SUSD6: variants seen among roughly 807,000 people sequenced by gnomAD.
SUSD6 encodes the protein sushi domain containing 6.
Under a neutral mutation model 28.4 loss-of-function variants are expected in SUSD6, and 16 were observed. The ratio of observed to expected loss-of-function variants is 0.56; its 90% CI spans 0.38 to 0.86. SUSD6 has a LOEUF of 0.86. Ranked by LOEUF, SUSD6 falls within the 40% of genes least tolerant of loss-of-function variation. SUSD6 has a pLI of 0.00. For missense variants in SUSD6, 341 were observed against 384.2 expected (o/e 0.89, Z 0.94); for synonymous variants, 147 against 159.6 (o/e 0.92, Z 0.59).
rs563368269 is a variant in SUSD6, at chr14:69,713,081, T to C, written c.*2102T>C. On this transcript the variant is annotated 3_prime_UTR_variant, in exon 6 of 6. Coordinates refer to ENST00000342745, the MANE Select transcript of SUSD6 (RefSeq NM_014734.4). ...CCTTCAGCTTTTATTTTTCACTGTT[T>C]CAAAACCCGCATTCTATTCTAGAAT... 1 of 152,346 alleles carries C rather than the reference T, an allele frequency of 6.6e-6. No individual in the cohort carries two copies. The highest frequency in any genetic ancestry group is 1.9e-4 in the East Asian group (1 of 5,184). The allele number at this position is 152,346 out of a possible 1,614,324, so 9.4% of individuals were successfully genotyped here. A position where few individuals can be genotyped will look rare whatever the true frequency, so the allele number is the denominator to read the frequency against.
chr14:69,678,536 C>T (rs760332027), intron 2 of SUSD6, among the ~76,000 whole-genome samples: 1 of 152,102 alleles, frequency 6.6e-6, no homozygotes, highest in Non-Finnish European at 1.5e-5. Context: ...GGCATGATGG[C>T]TCACACCTGT....
intron 1 of SUSD6, among the ~76,000 whole-genome samples, chr14:69,645,901 C>T (rs1160527906): frequency 6.6e-6 from 1 of 152,068 alleles, no homozygotes; most frequent in East Asian, 1.9e-4. Flanking sequence ...AGGTGTGCAC[C>T]ACCACGCCTG....
chr14:69,645,434 A>G (rs1172711618), intron 1 of SUSD6, among the ~76,000 whole-genome samples: 7 of 151,960 alleles, frequency 4.6e-5, no homozygotes, highest in African/African-American at 1.2e-4. Flanking sequence ...AGGGGAGGGG[A>G]TGATGGGGTA....
Position 69,706,211 on chromosome 14 carries a change from G to C in SUSD6, c.458+1469G>C, listed in dbSNP as rs1886384851. Among the ~76,000 whole-genome samples, 3 of 152,278 alleles carry C rather than the reference G, an allele frequency of 2.0e-5. No individual in the cohort carries two copies. The South Asian group carries it at 6.2e-4, about 32-fold the overall frequency. On this transcript the variant is annotated intron_variant, in intron 4 of 5. Coordinates refer to ENST00000342745, the MANE Select transcript of SUSD6 (RefSeq NM_014734.4). Reference sequence around the variant, plus strand: ...GGGGATTGTTTACTTGAAATGATCAGCTATTTCCACCTAAAGTCAAACTGA... The same window carrying C: ...GGGGATTGTTTACTTGAAATGATCACCTATTTCCACCTAAAGTCAAACTGA...
At chr14:69,672,289 G>A (rs1885844963) in intron 2 of SUSD6, among the ~76,000 whole-genome samples, 1 of 152,192 alleles carries the variant, frequency 6.6e-6, no homozygotes, top group African/African-American at 2.4e-5. Context: ...AAGAAGGTGA[G>A]AAGAGAGAGG....
rs576842535 is a variant in SUSD6 at position 69,708,999 on chromosome 14, G to T, written c.781G>T (p.Val261Leu). The change falls in exon 5 of 6, where the codon GTG becomes TTG. Residue 261 changes from valine to leucine, a missense_variant. Coordinates refer to ENST00000342745, the MANE Select transcript of SUSD6 (RefSeq NM_014734.4). The part of the protein sequence containing the change: ...MVHQATTSSW[V>L]AGSGNRQLAH... ...GCATCAGGCAACCACCTCTTCCTGGGTGGCCGGCTCAGGGAACCGCCAACT... is the reference window on the plus strand; with the variant it reads ...GCATCAGGCAACCACCTCTTCCTGGTTGGCCGGCTCAGGGAACCGCCAACT... 6.2e-6 allele frequency: 10 copies of T among 1,614,144 alleles called. No individual in the cohort carries two copies. The East Asian group carries it at 6.7e-5, about 11-fold the overall frequency.
At chr14:69,637,494 T>C in intron 1 of SUSD6, among the ~76,000 whole-genome samples, 2 of 152,320 alleles carry the variant, frequency 1.3e-5, no homozygotes, top group Admixed American at 1.3e-4. Flanking sequence ...CTCTGGGAAC[T>C]GTTCTCTGAC....
intron 1 of SUSD6, among the ~76,000 whole-genome samples, chr14:69,615,908 G>A (rs1283296269): frequency 1.3e-5 from 2 of 152,208 alleles, no homozygotes; most frequent in Non-Finnish European, 2.9e-5. Context: ...TTCTCAAACA[G>A]AAACAGATGT....
chr14:69,616,647 G>GT (rs902637895), intron 1 of SUSD6, among the ~76,000 whole-genome samples: 1 of 152,124 alleles, frequency 6.6e-6, no homozygotes, highest in African/African-American at 2.4e-5. Flanking sequence ...ACTGAGAGAT[G>GT]TTTTTTGGTG....
intron 1 of SUSD6, among the ~76,000 whole-genome samples, chr14:69,638,566 T>C (rs1338525498): frequency 6.6e-6 from 1 of 152,018 alleles, no homozygotes; most frequent in Non-Finnish European, 1.5e-5. Flanking sequence ...CAGCATACCC[T>C]AACCAGGACT....
intron 2 of SUSD6, among the ~76,000 whole-genome samples, chr14:69,699,552 T>A (rs1164288294): frequency 6.6e-6 from 1 of 152,124 alleles, no homozygotes; most frequent in East Asian, 1.9e-4. Flanking sequence ...TTTTTTTTTT[T>A]TGGACCCTTT....
chr14:69,636,716 C>T (rs761405646), intron 1 of SUSD6, among the ~76,000 whole-genome samples: 2 of 152,216 alleles, frequency 1.3e-5, no homozygotes, highest in Non-Finnish European at 2.9e-5. Flanking sequence ...TGCTGCTGGA[C>T]CTCCAGTCTG....
chr14:69,618,348 G>A (rs1212781386), intron 1 of SUSD6, among the ~76,000 whole-genome samples: 2 of 152,170 alleles, frequency 1.3e-5, no homozygotes, highest in African/African-American at 2.4e-5. Flanking sequence ...ACAAATATTC[G>A]AAAATCTAAA....
chr14:69,689,885 C>T (rs576535883), intron 2 of SUSD6, among the ~76,000 whole-genome samples: 10 of 152,304 alleles, frequency 6.6e-5, no homozygotes, highest in African/African-American at 2.2e-4. Context: ...AGGCTGATCT[C>T]GATCTCCTGG....
Position 69,701,207 on chromosome 14 carries a change from CTT to C in SUSD6, c.122-2175_122-2174del, listed in dbSNP as rs763198327. Among the ~76,000 whole-genome samples, 29 of 144,446 alleles carry C rather than the reference CTT, an allele frequency of 2.0e-4. No homozygotes were observed. In the East Asian group the frequency reaches 2.2e-3, roughly 11 times the overall value. The allele number at this position is 144,446 out of a possible 152,430, so 94.8% of individuals were successfully genotyped here. On this transcript the variant is annotated intron_variant, in intron 2 of 5. Transcript: ENST00000342745. ...ACAAGTCACTTCTTTGCAGTCCTCA[CTT>C]TTTTTTTTTTTTGACTTATTATGAG...
At chr14:69,636,131 T>C (rs1316583676) in intron 1 of SUSD6, among the ~76,000 whole-genome samples, 2 of 152,254 alleles carry the variant, frequency 1.3e-5, no homozygotes, top group African/African-American at 4.8e-5. Context: ...CTGTGCCTTC[T>C]ATTTAGATTC....
chr14:69,655,145 G>T (rs2139612322), intron 1 of SUSD6, among the ~76,000 whole-genome samples: 1 of 151,844 alleles, frequency 6.6e-6, no homozygotes, highest in East Asian at 1.9e-4. Context: ...GCTTATAGGG[G>T]TGTGTGTGTG....
chr14:69,677,434 C>T (rs1464694254), intron 2 of SUSD6, among the ~76,000 whole-genome samples: 5 of 151,860 alleles, frequency 3.3e-5, no homozygotes. Context: ...GTAGTCCCAG[C>T]TACTTGGGAG....
chr14:69,622,819 C>T (rs547354641), intron 1 of SUSD6, among the ~76,000 whole-genome samples: 10 of 152,238 alleles, frequency 6.6e-5, no homozygotes, highest in Admixed American at 1.3e-4. Context: ...GTCTCGAACT[C>T]CTGACCACAA....
Sources: gnomAD v4.1 joint callset for allele counts (sites outside exome capture counted in the v4.1 genomes callset) on GRCh38, gnomAD v4.1.1 for gene constraint, MANE v1.5 for transcripts, NCBI Gene and HGNC (gene_info 2026-07-23, HGNC 2026-07-21) for gene names.